The following MYO16 variants were observed in gnomAD, a reference collection of about 807,000 sequenced individuals.
The protein encoded by MYO16 is unconventional myosin-XVI.
MYO16 carries 94 observed loss-of-function variants against 205.3 expected under a neutral mutation model. That is an observed-to-expected ratio of 0.46 (90% CI 0.39 to 0.54). The LOEUF is 0.54. Ranked by LOEUF, MYO16 falls within the 20% of genes least tolerant of loss-of-function variation. MYO16 has a pLI of 0.00. For missense variants in MYO16, 2,315 were observed against 2,387.5 expected (o/e 0.97, Z 0.63); for synonymous variants, 988 against 954.0 (o/e 1.04, Z -0.66).
At chr13:108,963,841 T>A (rs1355494019) in intron 19 of MYO16, among the ~76,000 whole-genome samples, 1 of 152,132 alleles carries the variant, frequency 6.6e-6, no homozygotes, top group Non-Finnish European at 1.5e-5. Context: ...CCACCTGCCC[T>A]CCTCAGTCAC....
chr13:109,054,319 TA>T, intron 25 of MYO16: 2 of 405,714 alleles, frequency 4.9e-6, no homozygotes, highest in Admixed American at 2.9e-5. Flanking sequence ...GGTAATTTAG[TA>T]ACCTTTTCTT....
At chr13:108,696,936 A>G (rs1883113584) in intron 2 of MYO16, among the ~76,000 whole-genome samples, 1 of 151,168 alleles carries the variant, frequency 6.6e-6, no homozygotes, top group African/African-American at 2.4e-5. Context: ...TGGCCATGTA[A>G]TACTTTGCTC....
At chr13:108,570,641 G>A in the MYO16 span, among the ~76,000 whole-genome samples, 1 of 152,154 alleles carries the variant, frequency 6.6e-6, no homozygotes, top group Non-Finnish European at 1.5e-5. Context: ...TTACCTGTTT[G>A]CTTACTTTGG....
Position 109,163,356 on chromosome 13 carries a change from T to C in MYO16, c.5165-1545T>C, listed in dbSNP as rs571408829. ...TTGCTTGTAGTGCTATTTGAGGGTA[T>C]GTCTCGAGAGGCAAGAGGAGATAAT... On this transcript the variant is annotated intron_variant, in intron 32 of 34. Coordinates refer to ENST00000457511, the MANE Select transcript of MYO16 (RefSeq NM_001198950.3). Among the ~76,000 whole-genome samples the C allele has an allele frequency of 2.8e-4, 42 of 152,228 alleles. No homozygotes were observed. The South Asian group carries it at 8.3e-3, about 30-fold the overall frequency.
chr13:108,653,328 C>T (rs1881095974), intron 1 of MYO16, among the ~76,000 whole-genome samples: 1 of 152,168 alleles, frequency 6.6e-6, no homozygotes, highest in South Asian at 2.1e-4. Context: ...TTCTCCCATT[C>T]TGTAAGCTGC....
chr13:108,947,277 CT>C (rs1882975216), intron 16 of MYO16, among the ~76,000 whole-genome samples: 1 of 152,186 alleles, frequency 6.6e-6, no homozygotes, highest in Non-Finnish European at 1.5e-5. Context: ...ACCTTCTCCC[CT>C]GAGGAGGACT....
intron 2 of MYO16, among the ~76,000 whole-genome samples, chr13:108,673,805 A>G (rs1882091923): frequency 6.6e-6 from 1 of 152,080 alleles, no homozygotes; most frequent in African/African-American, 2.4e-5. Context: ...TGCCTTTATT[A>G]ATTGTCGTGT....
In MYO16 at chr13:108,676,850, C is replaced by A. The variant is rs138753167; in HGVS notation, c.292+10701C>A. Among the ~76,000 whole-genome samples, 54 of 152,220 alleles carry A rather than the reference C, an allele frequency of 3.5e-4. 1 individual carries two copies. In the East Asian group the frequency reaches 9.9e-3, roughly 28 times the overall value. On this transcript the variant is annotated intron_variant, in intron 2 of 34. Transcript: ENST00000457511. ...TCTTTGCTCCAGGGATTCCCCAACC[C>A]GCCAGGAACACCCTTCCTCCATTCC...
At chr13:108,989,614 T>G (rs1884753422) in intron 20 of MYO16, among the ~76,000 whole-genome samples, 1 of 152,164 alleles carries the variant, frequency 6.6e-6, no homozygotes, top group Non-Finnish European at 1.5e-5. Context: ...AAGATAACAA[T>G]GAACATCCTT....
At chr13:108,917,671 A>G (rs1275435159) in intron 16 of MYO16, among the ~76,000 whole-genome samples, 1 of 152,250 alleles carries the variant, frequency 6.6e-6, no homozygotes, top group East Asian at 1.9e-4. Context: ...AGACAGCAGC[A>G]TGATCTGCCT....
chr13:108,775,107 G>A (rs775775918), intron 4 of MYO16, among the ~76,000 whole-genome samples: 4 of 152,180 alleles, frequency 2.6e-5, no homozygotes, highest in Non-Finnish European at 4.4e-5. Context: ...ACAACCATGT[G>A]TATGGTCAAA....
At chr13:108,538,949 C>T in the MYO16 span, among the ~76,000 whole-genome samples, 2 of 151,992 alleles carry the variant, frequency 1.3e-5, no homozygotes, top group Admixed American at 1.3e-4. Flanking sequence ...TTTTTGAGTT[C>T]TCCCAACTGA....
chr13:109,079,286 T>C (rs1888209234), intron 27 of MYO16, among the ~76,000 whole-genome samples: 1 of 152,146 alleles, frequency 6.6e-6, no homozygotes, highest in South Asian at 2.1e-4. Context: ...CATTTTCAGT[T>C]GTCTCAGGAG....
At chr13:108,841,909 C>G (rs749562859) in intron 9 of MYO16, among the ~76,000 whole-genome samples, 14 of 151,980 alleles carry the variant, frequency 9.2e-5, no homozygotes, top group Non-Finnish European at 1.6e-4. Flanking sequence ...ATGGAAAGTG[C>G]AGAAATAAAC....
intron 32 of MYO16, among the ~76,000 whole-genome samples, chr13:109,155,051 G>T (rs923361973): frequency 1.3e-5 from 2 of 151,930 alleles, no homozygotes; most frequent in Non-Finnish European, 2.9e-5. Context: ...AAGGAAATTG[G>T]CACAACTTAA....
chr13:108,914,546 T>A (rs1430486799), intron 16 of MYO16, among the ~76,000 whole-genome samples: 1 of 152,210 alleles, frequency 6.6e-6, no homozygotes, highest in Non-Finnish European at 1.5e-5. Context: ...GATACATGAA[T>A]CAAAATAAAA....
At chr13:108,887,717 G>A (rs933721989) in intron 13 of MYO16, among the ~76,000 whole-genome samples, 2 of 152,170 alleles carry the variant, frequency 1.3e-5, no homozygotes, top group African/African-American at 4.8e-5. Flanking sequence ...GGAAACCTAA[G>A]CAGGTCAGGT....
intron 34 of MYO16, among the ~76,000 whole-genome samples, chr13:109,200,251 C>A (rs1880346569): frequency 6.6e-6 from 1 of 152,076 alleles, no homozygotes; most frequent in South Asian, 2.1e-4. Context: ...TATTTTAAAT[C>A]AAGATCAATA....
At chr13:109,060,251 A>G (rs1203221516) in intron 27 of MYO16, among the ~76,000 whole-genome samples, 1 of 152,206 alleles carries the variant, frequency 6.6e-6, no homozygotes, top group Non-Finnish European at 1.5e-5. Context: ...CCCATCAATG[A>G]TAGACTGGAT....
Sources: gnomAD v4.1 joint callset for allele counts (sites outside exome capture counted in the v4.1 genomes callset) on GRCh38, gnomAD v4.1.1 for gene constraint, MANE v1.5 for transcripts, NCBI Gene and HGNC (gene_info 2026-07-23, HGNC 2026-07-21) for gene names.